The following GRIA1 variants were observed in gnomAD, a reference collection of about 807,000 sequenced individuals.
GRIA1 encodes the protein glutamate receptor 1.
A neutral mutation model predicts 99.2 loss-of-function variants in GRIA1; 31 were observed. The ratio of observed to expected loss-of-function variants is 0.31; its 90% CI spans 0.23 to 0.42. The LOEUF (loss-of-function observed/expected upper bound fraction) is 0.42. Ranked by LOEUF, GRIA1 falls within the 10% of genes least tolerant of loss-of-function variation. The pLI, the probability that GRIA1 is intolerant of heterozygous loss-of-function variation, is 1.00. For missense variants in GRIA1, 782 were observed against 1,157.5 expected (o/e 0.68, Z 4.71); for synonymous variants, 438 against 432.4 (o/e 1.01, Z -0.16).
At chr5:153,628,371 CTG>C (rs1171834392) in intron 2 of GRIA1, among the ~76,000 whole-genome samples, 3 of 152,214 alleles carry the variant, frequency 2.0e-5, no homozygotes, top group Non-Finnish European at 4.4e-5. Context: ...GCTTTGATTT[CTG>C]TGTCTGTCAT....
chr5:153,741,065 C>T (rs1761750025), intron 11 of GRIA1, among the ~76,000 whole-genome samples: 1 of 150,274 alleles, frequency 6.7e-6, no homozygotes, highest in Non-Finnish European at 1.5e-5. Context: ...CAAGCTCTGC[C>T]TCCTAGGTTC....
At chr5:153,656,596 C>A (rs1754981941) in intron 5 of GRIA1, among the ~76,000 whole-genome samples, 1 of 151,540 alleles carries the variant, frequency 6.6e-6, no homozygotes, top group South Asian at 2.1e-4. Flanking sequence ...ATGTTTTGTA[C>A]CTCCAGCTTT....
At chr5:153,810,378 A>G (rs565682241) in intron 15 of GRIA1, among the ~76,000 whole-genome samples, 3 of 152,352 alleles carry the variant, frequency 2.0e-5, no homozygotes, top group Admixed American at 6.5e-5. Context: ...CGAGTCCTAC[A>G]TTCCCTTAAC....
At chr5:153,705,355 G>A (rs1221854595) in intron 10 of GRIA1, among the ~76,000 whole-genome samples, 2 of 152,166 alleles carry the variant, frequency 1.3e-5, no homozygotes, top group African/African-American at 2.4e-5. Flanking sequence ...GATTGAGAGT[G>A]GGGCAAGAAT....
chr5:153,533,789 T>C (rs1217755208), intron 2 of GRIA1, among the ~76,000 whole-genome samples: 2 of 152,194 alleles, frequency 1.3e-5, no homozygotes, highest in Non-Finnish European at 2.9e-5. Context: ...ATAGCTGTCA[T>C]ATGAGTGCCG....
At chr5:153,605,193 A>C (rs1296325389) in intron 2 of GRIA1, among the ~76,000 whole-genome samples, 1 of 152,118 alleles carries the variant, frequency 6.6e-6, no homozygotes, top group Non-Finnish European at 1.5e-5. Flanking sequence ...TCTCAAAAAA[A>C]AAAAAAAGAG....
chr5:153,653,663 G>A (rs1017455475), intron 4 of GRIA1, among the ~76,000 whole-genome samples: 1 of 152,056 alleles, frequency 6.6e-6, no homozygotes, highest in African/African-American at 2.4e-5. Flanking sequence ...CTGAAATCTT[G>A]TTCATTTATC....
chr5:153,707,607 A>C (rs971854714), intron 11 of GRIA1, among the ~76,000 whole-genome samples: 8 of 152,208 alleles, frequency 5.3e-5, no homozygotes, highest in African/African-American at 1.9e-4. Context: ...GCATAAGTGC[A>C]TAATATCAAG....
chr5:153,768,606 C>A (rs146407527), intron 12 of GRIA1, among the ~76,000 whole-genome samples: 1 of 151,962 alleles, frequency 6.6e-6, no homozygotes, highest in Non-Finnish European at 1.5e-5. Flanking sequence ...TCCTGGGCCC[C>A]GAATGTCTTT....
At chr5:153,589,413 A>G (rs1015320628) in intron 2 of GRIA1, among the ~76,000 whole-genome samples, 1 of 152,070 alleles carries the variant, frequency 6.6e-6, no homozygotes, top group Admixed American at 6.6e-5. Flanking sequence ...ATTTTTGCCA[A>G]ATTTCAACTT....
chr5:153,676,203 A>T (rs1485209114), intron 6 of GRIA1, among the ~76,000 whole-genome samples: 3 of 152,230 alleles, frequency 2.0e-5, no homozygotes, highest in Non-Finnish European at 4.4e-5. Context: ...AAATTTAAAA[A>T]ATTAGAAAAA....
chr5:153,503,155 A>G (rs765573902), intron 2 of GRIA1, among the ~76,000 whole-genome samples: 1 of 152,134 alleles, frequency 6.6e-6, no homozygotes, highest in Non-Finnish European at 1.5e-5. Context: ...CAGTGCTGTG[A>G]TATTTCTCTC....
At chr5:153,643,537 A>G (rs1471764363) in intron 2 of GRIA1, among the ~76,000 whole-genome samples, 2 of 152,312 alleles carry the variant, frequency 1.3e-5, no homozygotes, top group Admixed American at 6.5e-5. Flanking sequence ...CCTTGGGCCT[A>G]TAGGGTCTGT....
At chr5:153,785,979 T>C (rs963836523) in intron 13 of GRIA1, among the ~76,000 whole-genome samples, 7 of 152,228 alleles carry the variant, frequency 4.6e-5, no homozygotes, top group African/African-American at 1.7e-4. Flanking sequence ...CAAGTTTCCA[T>C]GTGAGTCCTG....
At chr5:153,512,840 G>A (rs907641951) in intron 2 of GRIA1, among the ~76,000 whole-genome samples, 2 of 152,184 alleles carry the variant, frequency 1.3e-5, no homozygotes, top group Non-Finnish European at 2.9e-5. Context: ...GTTTGTTAAA[G>A]CCCTAACCTC....
At chr5:153,612,943 G>C (rs1214784862) in intron 2 of GRIA1, among the ~76,000 whole-genome samples, 1 of 152,058 alleles carries the variant, frequency 6.6e-6, no homozygotes, top group Non-Finnish European at 1.5e-5. Flanking sequence ...AGAAATCTGG[G>C]TTTGAAGAAC....
chr5:153,609,448 T>G (rs1475838397), intron 2 of GRIA1, among the ~76,000 whole-genome samples: 1 of 151,926 alleles, frequency 6.6e-6, no homozygotes. Context: ...AAAAAGGCAG[T>G]GATTTCTCCC....
intron 2 of GRIA1, among the ~76,000 whole-genome samples, chr5:153,571,217 T>C (rs1762088225): frequency 1.3e-5 from 2 of 152,142 alleles, no homozygotes; most frequent in Admixed American, 6.5e-5. Flanking sequence ...TATCCAGATA[T>C]TTGCCGACTG....
In GRIA1 at chr5:153,812,262, C is replaced by G. The variant is rs1281502604; in HGVS notation, c.*1037C>G. 1 of 152,070 alleles carries G rather than the reference C, an allele frequency of 6.6e-6. No individual in the cohort carries two copies. Among genetic ancestry groups the G allele is most frequent in the Non-Finnish European group, 1.5e-5 (1 of 68,024 alleles). The allele number at this position is 152,070 out of a possible 1,614,324, so 9.4% of individuals were successfully genotyped here. A position where few individuals can be genotyped will look rare whatever the true frequency, so the allele number is the denominator to read the frequency against. On this transcript the variant is annotated 3_prime_UTR_variant, in exon 16 of 16. Transcript: ENST00000285900. ...TAGACTCTCTTCTTCTATGGAGCCT[C>G]TGACATGGGGAGCAATGCTAAGCAA...
Sources: allele counts gnomAD v4.1 joint callset (sites outside exome capture counted in the v4.1 genomes callset), GRCh38; gene constraint gnomAD v4.1.1; transcripts MANE v1.5; gene names NCBI Gene and HGNC (gene_info 2026-07-23, HGNC 2026-07-21).